The following SLC2A12 variants were observed in gnomAD, a reference collection of about 807,000 sequenced individuals.
SLC2A12 encodes solute carrier family 2 member 12.
In SLC2A12, 23 loss-of-function variants were observed where a neutral mutation model predicts 41.8. The ratio of observed to expected loss-of-function variants is 0.55; its 90% CI spans 0.40 to 0.78. The LOEUF is 0.78. SLC2A12 is among the 30% of genes least tolerant of loss of function. The pLI is 0.00. For missense variants in SLC2A12, 654 were observed against 745.6 expected (o/e 0.88, Z 1.43); for synonymous variants, 295 against 285.9 (o/e 1.03, Z -0.32).
At chr6:134,047,097 T>A (rs541802299) in intron 1 of SLC2A12, among the ~76,000 whole-genome samples, 1 of 152,346 alleles carries the variant, frequency 6.6e-6, no homozygotes, top group East Asian at 1.9e-4. Flanking sequence ...TCAAATAGCC[T>A]CTTGGGAAGG....
chr6:134,027,620 C>G (rs1257361494), intron 2 of SLC2A12, among the ~76,000 whole-genome samples: 1 of 152,098 alleles, frequency 6.6e-6, no homozygotes, highest in Non-Finnish European at 1.5e-5. Flanking sequence ...CACAGCCTCC[C>G]TACAGAGACA....
chr6:134,042,789 A>G (rs758152281), intron 1 of SLC2A12, among the ~76,000 whole-genome samples: 10 of 151,824 alleles, frequency 6.6e-5, no homozygotes, highest in Admixed American at 5.9e-4. Context: ...ACATAGTAAG[A>G]CTCTGTCTCT....
At chr6:134,041,926 A>G (rs1209304566) in intron 1 of SLC2A12, among the ~76,000 whole-genome samples, 4 of 152,114 alleles carry the variant, frequency 2.6e-5, no homozygotes, top group African/African-American at 4.8e-5. Flanking sequence ...AATGTGTGTG[A>G]GCCTTGGTGA....
At chr6:134,039,619 GT>G (rs549683951) in intron 1 of SLC2A12, among the ~76,000 whole-genome samples, 2,543 of 151,650 alleles carry the variant, frequency 0.017, 70 homozygotes, top group African/African-American at 0.055. Context: ...CTGTGATACA[GT>G]TTTTTTTTAA....
intron 2 of SLC2A12, among the ~76,000 whole-genome samples, chr6:134,022,534 A>AAAAG (rs1455240573): frequency 2.1e-3 from 12 of 5,728 alleles, no homozygotes; most frequent in African/African-American, 0.014. Flanking sequence ...TCCATCTCAA[A>AAAAG]AAAGAAAAGA....
rs1442336660 is a variant in SLC2A12, at chr6:133,987,740, T to A, written c.*3415A>T. On this transcript the variant is annotated 3_prime_UTR_variant, in exon 5 of 5. Transcript: ENST00000275230. The stretch of plus-strand genomic sequence containing the variant: ...AATAGGAATTTTTTTTCTTGCAGAT[T>A]AGAAATAAAAACGTGTATATAAACT... 6.6e-6 allele frequency: 1 copy of A among 152,240 alleles called. No individual in the cohort carries two copies. The highest frequency in any genetic ancestry group is 2.4e-5 in the African/African-American group (1 of 41,344). The allele number at this position is 152,240 out of a possible 1,614,324, so 9.4% of individuals were successfully genotyped here. A position where few individuals can be genotyped will look rare whatever the true frequency, so the allele number is the denominator to read the frequency against.
chr6:134,022,581 AAG>A (rs753808411), intron 2 of SLC2A12, among the ~76,000 whole-genome samples: 4 of 104,162 alleles, frequency 3.8e-5, no homozygotes, highest in Non-Finnish European at 7.9e-5. Flanking sequence ...AAGAAAAGAA[AAG>A]AAAAGAAAAG....
intron 2 of SLC2A12, among the ~76,000 whole-genome samples, chr6:134,012,307 G>A (rs559295825): frequency 1.2e-4 from 19 of 152,120 alleles, no homozygotes; most frequent in Non-Finnish European, 2.5e-4. Context: ...AAAACCAACT[G>A]AAATGATTTT....
chr6:134,018,753 A>AT (rs56773136), intron 2 of SLC2A12, among the ~76,000 whole-genome samples: 26,187 of 150,018 alleles, frequency 0.17, 2,606 homozygotes, highest in South Asian at 0.3. Context: ...AGGTGTGTTC[A>AT]TTTTTTTTTT....
At chr6:134,008,642 T>C (rs1015946908) in intron 2 of SLC2A12, among the ~76,000 whole-genome samples, 2 of 152,232 alleles carry the variant, frequency 1.3e-5, no homozygotes, top group Admixed American at 6.5e-5. Flanking sequence ...TTTGCAAGAC[T>C]GAAGATCCAG....
chr6:134,004,739 A>AT (rs1324727077), intron 3 of SLC2A12, among the ~76,000 whole-genome samples: 1 of 152,186 alleles, frequency 6.6e-6, no homozygotes, highest in African/African-American at 2.4e-5. Flanking sequence ...TCAAGCACGT[A>AT]TTTTACCTTT....
chr6:134,007,911 G>A (rs1776834439), intron 2 of SLC2A12, among the ~76,000 whole-genome samples: 1 of 152,178 alleles, frequency 6.6e-6, no homozygotes, highest in African/African-American at 2.4e-5. Context: ...ATTATCCCTA[G>A]TAGTCTCTGG....
intron 2 of SLC2A12, among the ~76,000 whole-genome samples, chr6:134,016,517 G>A (rs1247951128): frequency 6.6e-6 from 1 of 151,914 alleles, no homozygotes; most frequent in African/African-American, 2.4e-5. Context: ...ATAATAAACT[G>A]CCCTTTGTCT....
intron 2 of SLC2A12, among the ~76,000 whole-genome samples, chr6:134,022,572 AG>A (rs1376724743): frequency 3.8e-5 from 4 of 104,742 alleles, no homozygotes; most frequent in South Asian, 2.6e-4. Context: ...AGAAAAGAAA[AG>A]AAAAGAAAAG....
chr6:134,052,561 A>T lies in SLC2A12; in HGVS notation c.-81T>A, dbSNP rs534130693. On this transcript the variant is annotated 5_prime_UTR_variant, in exon 1 of 5. The change abolishes an upstream ATG in the 5' untranslated region. Coordinates refer to ENST00000275230, the MANE Select transcript of SLC2A12 (RefSeq NM_145176.3). ...GCTCCCAGGAGTGGTCACTTTCCCC[A>T]TAATAGCATGCTAAAGAAGAGTGTG... The T allele has an allele frequency of 3.8e-5, 40 of 1,040,530 alleles. No individual in the cohort carries two copies. The African/African-American group carries it at 5.3e-4, about 14-fold the overall frequency. 64.5% of individuals were successfully genotyped at this position (1,040,530 alleles called of 1,614,324 possible). A position where few individuals can be genotyped will look rare whatever the true frequency, so the allele number is the denominator to read the frequency against.
At chr6:133,998,003 G>C (rs765236444) in intron 4 of SLC2A12, among the ~76,000 whole-genome samples, 1 of 152,064 alleles carries the variant, frequency 6.6e-6, no homozygotes, top group Non-Finnish European at 1.5e-5. Context: ...TCTGTTTAGA[G>C]GTCAACAGTA....
intron 3 of SLC2A12, among the ~76,000 whole-genome samples, chr6:134,003,267 T>G (rs538558775): frequency 1.6e-4 from 25 of 152,234 alleles, no homozygotes; most frequent in Non-Finnish European, 3.5e-4. Flanking sequence ...TGTCTCTCTC[T>G]GCTTTTCTAG....
At chr6:134,023,569 C>A (rs927058418) in intron 2 of SLC2A12, among the ~76,000 whole-genome samples, 22 of 152,068 alleles carry the variant, frequency 1.4e-4, no homozygotes, top group Admixed American at 3.9e-4. Flanking sequence ...TGGAAATAAG[C>A]GAGAGTCATC....
chr6:134,005,827 C>G (rs959596611), intron 3 of SLC2A12, among the ~76,000 whole-genome samples: 1 of 151,984 alleles, frequency 6.6e-6, no homozygotes, highest in Non-Finnish European at 1.5e-5. Flanking sequence ...GTTTCTCTTT[C>G]TCCTCAAGCC....
Sources: gnomAD v4.1 joint callset for allele counts (sites outside exome capture counted in the v4.1 genomes callset) on GRCh38, gnomAD v4.1.1 for gene constraint, MANE v1.5 for transcripts, NCBI Gene and HGNC (gene_info 2026-07-23, HGNC 2026-07-21) for gene names.